The following WDPCP variants were observed in gnomAD, a reference collection of about 807,000 sequenced individuals.
WDPCP encodes WD repeat-containing and planar cell polarity effector protein fritz homolog.
A neutral mutation model predicts 93.1 loss-of-function variants in WDPCP; 71 were observed. That is an observed-to-expected ratio of 0.76 (90% CI 0.63 to 0.93). WDPCP has a LOEUF of 0.93. Ranked by LOEUF, WDPCP falls within the 40% of genes least tolerant of loss-of-function variation. The pLI, the probability that WDPCP is intolerant of heterozygous loss-of-function variation, is 0.00. For missense variants in WDPCP, 844 were observed against 887.4 expected, an observed-to-expected ratio of 0.95 and a Z score of 0.62; for synonymous variants, 315 against 315.0, an observed-to-expected ratio of 1.00 and a Z score of 0.00.
chr2:63,655,277 C>G (rs1710154074), intron 2 of WDPCP, among the ~76,000 whole-genome samples: 1 of 152,138 alleles, frequency 6.6e-6, no homozygotes, highest in Non-Finnish European at 1.5e-5. Flanking sequence ...GCATTGCTCT[C>G]TCTTCGTATT....
At chr2:63,672,081 C>T (rs1710354507) in intron 2 of WDPCP, among the ~76,000 whole-genome samples, 2 of 152,296 alleles carry the variant, frequency 1.3e-5, no homozygotes, top group South Asian at 4.1e-4. Flanking sequence ...ATGATCTCTA[C>T]ATTATAGGGG....
intron 12 of WDPCP, among the ~76,000 whole-genome samples, chr2:63,374,787 T>G (rs952635646): frequency 1.3e-5 from 2 of 152,044 alleles, no homozygotes; most frequent in Non-Finnish European, 2.9e-5. Flanking sequence ...CCACATGTAT[T>G]CTGACTTTAT....
At chr2:63,159,165 C>CA (rs1486531031) in intron 15 of WDPCP, among the ~76,000 whole-genome samples, 3 of 124,394 alleles carry the variant, frequency 2.4e-5, no homozygotes, top group African/African-American at 8.9e-5. Context: ...CAAAAAAAAA[C>CA]TTTTTTTTTT....
chr2:63,726,782 T>C (rs1051666123), intron 2 of WDPCP, among the ~76,000 whole-genome samples: 1 of 152,208 alleles, frequency 6.6e-6, no homozygotes, highest in Admixed American at 6.5e-5. Flanking sequence ...TATGTATTCC[T>C]AGGCATTTTA....
At chr2:63,823,199 CAAAAAAA>C (rs535622796) in intron 1 of WDPCP, among the ~76,000 whole-genome samples, 4 of 117,294 alleles carry the variant, frequency 3.4e-5, no homozygotes, top group Admixed American at 8.8e-5. Context: ...AAGTTTCACC[CAAAAAAA>C]AAAAAAAACA....
intron 12 of WDPCP, among the ~76,000 whole-genome samples, chr2:63,358,544 A>G (rs1181195419): frequency 6.6e-6 from 1 of 152,124 alleles, no homozygotes; most frequent in Non-Finnish European, 1.5e-5. Flanking sequence ...AGCTCACTGC[A>G]GCCTCATACT....
At chr2:63,710,135 A>G (rs1669238725) in intron 2 of WDPCP, among the ~76,000 whole-genome samples, 1 of 152,162 alleles carries the variant, frequency 6.6e-6, no homozygotes, top group Non-Finnish European at 1.5e-5. Flanking sequence ...GCTGCTCTAC[A>G]CTGACCACAT....
chr2:63,505,290 A>G (rs2106038522), intron 1 of WDPCP, among the ~76,000 whole-genome samples: 1 of 152,166 alleles, frequency 6.6e-6, no homozygotes, highest in East Asian at 1.9e-4. Flanking sequence ...TTGAATAGAG[A>G]ACCAAAGTAG....
At chr2:63,123,092 G>A (rs764370836) in intron 17 of WDPCP, among the ~76,000 whole-genome samples, 5 of 150,862 alleles carry the variant, frequency 3.3e-5, no homozygotes, top group East Asian at 1.9e-4. Context: ...AGAAGAATGC[G>A]TAATTTAATA....
intron 14 of WDPCP, among the ~76,000 whole-genome samples, chr2:63,202,532 A>C (rs1430795899): frequency 6.6e-6 from 1 of 151,792 alleles, no homozygotes; most frequent in East Asian, 1.9e-4. Context: ...TTTCCACGTG[A>C]TTTTTCTTAA....
At chr2:63,494,266 A>AGATGATGAT (rs754084408) in intron 1 of WDPCP, among the ~76,000 whole-genome samples, 6 of 119,874 alleles carry the variant, frequency 5.0e-5, no homozygotes, top group African/African-American at 1.7e-4. Flanking sequence ...AGATTTCACC[A>AGATGATGAT]GATGATGATG....
intron 3 of WDPCP, among the ~76,000 whole-genome samples, chr2:63,605,546 C>T (rs986312779): frequency 3.3e-5 from 5 of 152,224 alleles, no homozygotes; most frequent in Non-Finnish European, 5.9e-5. Flanking sequence ...GTTTGTTAGC[C>T]TTGACCTTTC....
intron 9 of WDPCP, among the ~76,000 whole-genome samples, chr2:63,429,730 G>A (rs1365643834): frequency 6.6e-6 from 1 of 152,150 alleles, no homozygotes. Context: ...CTTACACACT[G>A]TTGGTGGGTA....
chr2:63,126,106 G>A (rs998252667), intron 17 of WDPCP, among the ~76,000 whole-genome samples: 1 of 151,420 alleles, frequency 6.6e-6, no homozygotes, highest in African/African-American at 2.4e-5. Context: ...GGCTATTTTT[G>A]TATTTTTTGT....
chr2:63,164,228 C>A (rs957034337), intron 15 of WDPCP, among the ~76,000 whole-genome samples: 8 of 152,078 alleles, frequency 5.3e-5, no homozygotes, highest in Non-Finnish European at 1.2e-4. Context: ...TTAATTTAGT[C>A]CTAGGATCAT....
At chr2:63,547,666 G>T (rs375696607) in intron 1 of WDPCP, among the ~76,000 whole-genome samples, 2 of 151,652 alleles carry the variant, frequency 1.3e-5, no homozygotes, top group African/African-American at 4.8e-5. Context: ...TGGAACTGGA[G>T]GTCATCATGT....
rs777304823 is a variant in WDPCP at position 63,606,899 on chromosome 2, A to C, written n.488+43760T>G. ...AAGTTTGTTGAAGGTCTCCCTATTA[A>C]TGATTTCTCACGTGAGAAGATGGAT... On this transcript the variant is annotated intron_variant and non_coding_transcript_variant, in intron 3 of 4. Transcript: ENST00000467687. 5.0e-6 allele frequency: 8 copies of C among 1,612,066 alleles called. No homozygotes were observed. In the African/African-American group the frequency reaches 1.1e-4, roughly 22 times the overall value.
intron 2 of WDPCP, among the ~76,000 whole-genome samples, chr2:63,713,481 C>T (rs1020291763): frequency 6.6e-6 from 1 of 152,160 alleles, no homozygotes; most frequent in African/African-American, 2.4e-5. Flanking sequence ...TCTATGGGAA[C>T]GTTCTGAAAA....
chr2:63,826,293 G>C (rs1435755587), intron 1 of WDPCP, among the ~76,000 whole-genome samples: 3 of 151,992 alleles, frequency 2.0e-5, no homozygotes, highest in Non-Finnish European at 2.9e-5. Context: ...TCAGAATCAG[G>C]GTTCAAGAGT....
Sources: gnomAD v4.1 joint callset for allele counts (sites outside exome capture counted in the v4.1 genomes callset) on GRCh38, gnomAD v4.1.1 for gene constraint, MANE v1.5 for transcripts, NCBI Gene and HGNC (gene_info 2026-07-23, HGNC 2026-07-21) for gene names.